Variants in SH3TC1 observed in about 807,000 individuals in gnomAD.
The protein encoded by SH3TC1 is SH3 domain and tetratricopeptide repeats 1, also known as SH3 domain and tetratricopeptide repeat-containing protein 1.
SH3TC1 carries 135 observed loss-of-function variants against 117.3 expected under a neutral mutation model. The ratio of observed to expected loss-of-function variants is 1.15; its 90% confidence interval spans 1.00 to 1.33. SH3TC1 has a LOEUF of 1.33. Among genes scored for constraint, SH3TC1 ranks in the 40% most tolerant of loss-of-function variants. The pLI, the probability that SH3TC1 is intolerant of heterozygous loss-of-function variation, is 0.00. For synonymous variants in SH3TC1, 898 were observed against 816.9 expected, an observed-to-expected ratio of 1.10 and a Z score of -1.69; for missense variants, 2,092 against 1,794.3, an observed-to-expected ratio of 1.17 and a Z score of -3.00.
At chr4:8,232,532 A>C in intron 13 of SH3TC1, 1 of 1,370,834 alleles carries the variant, frequency 7.3e-7, no homozygotes, top group Non-Finnish European at 9.7e-7. Context: ...GTCCCCTTAA[A>C]TGTGACCACA....
chr4:8,227,001 G>A lies in SH3TC1; in HGVS notation c.1307G>A (p.Ser436Asn). The A allele has an allele frequency of 1.3e-6, 2 of 1,555,364 alleles. No individual in the cohort carries two copies. Among genetic ancestry groups the A allele is most frequent in the South Asian group, 1.2e-5 (1 of 83,600 alleles). ...QEKEIPPPCL[S>N]LEPQETLQKV... ...GCAGAAATACCTCCACCTTGCCTGA[G>A]CCTGGAGCCACAGGAGACCTTGCAG... The change falls in exon 12 of 18, where the codon AGC becomes AAC. Residue 436 changes from serine (S) to asparagine (N), a missense_variant. Coordinates refer to ENST00000245105, the MANE Select transcript of SH3TC1 (RefSeq NM_018986.5).
At chr4:8,218,406 C>G in intron 8 of SH3TC1, 59 bp downstream of exon 8, 1 of 1,324,686 alleles carries the variant, frequency 7.5e-7, no homozygotes, top group Non-Finnish European at 1.1e-6. Flanking sequence ...GGAGCAGCAC[C>G]AACATTTTGG....
At chr4:8,236,791 C>T (rs184467173) in intron 16 of SH3TC1, 55 of 206,520 alleles carry the variant, frequency 2.7e-4, no homozygotes, top group Admixed American at 5.8e-4. Context: ...ATCAACCACA[C>T]GGCTCTGTGG....
chr4:8,216,179 G>C lies in SH3TC1; in HGVS notation c.550G>C (p.Glu184Gln), dbSNP rs1719249962. 1 of 1,613,784 alleles carries C rather than the reference G, an allele frequency of 6.2e-7. No homozygotes were observed. Among genetic ancestry groups the C allele is most frequent in the African/African-American group, 1.3e-5 (1 of 74,940 alleles). Reference sequence around the variant, plus strand: ...CTTCTGGCTGCTCTTGCCCAGTGAGGAGGAGGAGACGGCCATCCAAGTCCA... The same window carrying C: ...CTTCTGGCTGCTCTTGCCCAGTGAGCAGGAGGAGACGGCCATCCAAGTCCA... ...QAFWLLLPSE[E>Q]EETAIQVHVD... Residue 184 changes from glutamate (E) to glutamine (Q), a missense_variant, in exon 6 of 18, where the codon GAG (glutamate) becomes CAG (glutamine). Glu to Gln is a conservative substitution (Grantham distance 29, BLOSUM62 2). Transcript: ENST00000245105.
Position 8,233,372 on chromosome 4 carries a change from A to G in SH3TC1, c.3141A>G (p.Lys1047=). The change falls in exon 14 of 18, where the codon AAA becomes AAG. Residue 1047 remains lysine (K), a synonymous_variant. Coordinates refer to ENST00000245105, the MANE Select transcript of SH3TC1 (RefSeq NM_018986.5). ...YLSLGTERAY[K]SALDYTKRSL... ...CTGTGTCTGATACCAGGGCCTACAA[A>G]TCCGCACTGGACTACACCAAACGAA... 6.2e-7 allele frequency: 1 copy of G among 1,609,010 alleles called. No individual in the cohort carries two copies. The highest frequency in any genetic ancestry group is 8.5e-7 in the Non-Finnish European group (1 of 1,177,522).
intron 11 of SH3TC1, among the ~76,000 whole-genome samples, chr4:8,226,185 C>T (rs545318350): frequency 9.8e-4 from 150 of 152,326 alleles, no homozygotes; most frequent in Non-Finnish European, 1.5e-3. Context: ...TGTCTCCTTT[C>T]GTCCCAGGTT....
chr4:8,224,675 G>C (rs902373709), intron 10 of SH3TC1: 1 of 154,252 alleles, frequency 6.5e-6, no homozygotes, highest in Non-Finnish European at 1.4e-5. Flanking sequence ...ACTGAGACCC[G>C]GTAGCTGCCT....
chr4:8,211,024 C>A (rs1017213117), intron 3 of SH3TC1, among the ~76,000 whole-genome samples: 2 of 151,186 alleles, frequency 1.3e-5, no homozygotes, highest in African/African-American at 4.9e-5. Flanking sequence ...TTTCTCCCCT[C>A]TCCCTCTCTC....
At chr4:8,194,527 C>T (rs1308606529), upstream of SH3TC1, among the ~76,000 whole-genome samples, 1 of 152,280 alleles carries the variant, frequency 6.6e-6, no homozygotes, top group Non-Finnish European at 1.5e-5. Flanking sequence ...GTCAGGGTGG[C>T]TTGTTTTGTT....
intron 5 of SH3TC1, chr4:8,215,221 T>A (rs546169834): frequency 1.2e-4 from 54 of 456,296 alleles, no homozygotes; most frequent in Admixed American, 6.3e-4. Context: ...CCGGGAAAGC[T>A]GTTATTTGAA....
chr4:8,212,612 G>A, intron 3 of SH3TC1, 89 bp from the exon 4 acceptor site: 1 of 1,574,068 alleles, frequency 6.4e-7, no homozygotes, highest in Non-Finnish European at 8.7e-7. Flanking sequence ...TCAGGTGTGT[G>A]GGTTGGAGGC....
chr4:8,222,361 GTTTTTTTTTTTTTTTTT>G (rs5856006), intron 9 of SH3TC1, among the ~76,000 whole-genome samples: 21 of 40,284 alleles, frequency 5.2e-4, no homozygotes, highest in South Asian at 1.4e-3. Flanking sequence ...TCAGGATCTG[GTTTTTTTTTTTTTTTTT>G]TTTTTTTTTT....
chr4:8,209,826 A>T lies in SH3TC1; in HGVS notation c.247+4A>T. On this transcript the variant is annotated splice_donor_region_variant and intron_variant, in intron 3 of 17. Coordinates refer to ENST00000245105, the MANE Select transcript of SH3TC1 (RefSeq NM_018986.5). The surrounding 1 kb of genome is among the most constrained non-coding windows in gnomAD (Gnocchi z 5.9). ...CAGATGGGGGTTTATCCCACAGGTA[A>T]ACATCCTGGGCCCTACACAGGGCTT... The T allele has an allele frequency of 6.2e-7, 1 of 1,612,950 alleles. No individual in the cohort carries two copies. Among genetic ancestry groups the T allele is most frequent in the Non-Finnish European group, 8.5e-7 (1 of 1,179,784 alleles).
In SH3TC1 at chr4:8,199,680, C is replaced by A. The variant is rs531253394; in HGVS notation, c.-29+275C>A. Among the ~76,000 whole-genome samples, 280 of 152,254 alleles carry A rather than the reference C, an allele frequency of 1.8e-3. 1 individual carries two copies. The highest frequency in any genetic ancestry group is 6.6e-3 in the African/African-American group (273 of 41,544). On this transcript the variant is annotated intron_variant, in intron 1 of 17. Transcript: ENST00000245105. ...AAGCACCCTTGCTTCTGGGACCTGG[C>A]CTGACCCCGTGCTGGCCCTTGGCAT...
At chr4:8,235,890 CCCAGGG>C (rs1157089756) in intron 15 of SH3TC1, 2 of 363,612 alleles carry the variant, frequency 5.5e-6, no homozygotes, top group South Asian at 5.7e-5. Flanking sequence ...CAGTGGGAGG[CCCAGGG>C]CCAGGGCCCA....
intron 1 of SH3TC1, among the ~76,000 whole-genome samples, chr4:8,204,015 G>A (rs911000135): frequency 6.6e-6 from 1 of 152,318 alleles, no homozygotes; most frequent in Admixed American, 6.5e-5. Flanking sequence ...AGGCCCGGAC[G>A]GAGGCCCTGG....
In SH3TC1 at chr4:8,209,730, G is replaced by A. The variant is rs1254544107; in HGVS notation, c.173-18G>A. 1.2e-6 allele frequency: 2 copies of A among 1,613,694 alleles called. No individual in the cohort carries two copies. Among genetic ancestry groups the A allele is most frequent in the Non-Finnish European group, 1.7e-6 (2 of 1,179,984 alleles). ...TTTGCTTGGTCTCCCCTAATCCTGG[G>A]AACCTGCTGTGTTGCAGACGAGGCT... On this transcript the variant is annotated intron_variant, in intron 2 of 17. Transcript: ENST00000245105. The surrounding 1 kb of genome is among the most constrained non-coding windows in gnomAD (Gnocchi z 5.9).
At chr4:8,230,147 T>C (rs549927018) in intron 12 of SH3TC1, among the ~76,000 whole-genome samples, 3 of 152,300 alleles carry the variant, frequency 2.0e-5, no homozygotes, top group Admixed American at 2.0e-4. Context: ...GTAGTTTGTG[T>C]CTTTCTAGGA....
chr4:8,204,336 A>G (rs192998829), intron 1 of SH3TC1, among the ~76,000 whole-genome samples: 161 of 152,304 alleles, frequency 1.1e-3, no homozygotes, highest in Middle Eastern at 3.4e-3. Flanking sequence ...TTCACCAAGC[A>G]GGGGCAGCAG....
Sources: gnomAD v4.1 joint callset for allele counts (sites outside exome capture counted in the v4.1 genomes callset) on GRCh38, gnomAD v4.1.1 for gene constraint, Gnocchi (gnomAD v3.1) non-coding constraint, MANE v1.5 for transcripts, NCBI Gene and HGNC (gene_info 2026-07-23, HGNC 2026-07-21) for gene names.